Variants in SAMTOR observed in about 807,000 individuals in gnomAD.
SAMTOR encodes the protein UPF0532 protein C7orf60.
the SAMTOR span, among the ~76,000 whole-genome samples, chr7:112,824,048 G>C: frequency 7.6e-6 from 1 of 131,810 alleles, no homozygotes; most frequent in Admixed American, 7.2e-5. Context: ...TTTCTTTCTG[G>C]GTTTTGAGAG....
At chr7:112,939,810 G>A in the SAMTOR span, 2 of 1,366,410 alleles carry the variant, frequency 1.5e-6, no homozygotes, top group Non-Finnish European at 1.0e-6. Flanking sequence ...CCCAGATGGA[G>A]GAGGTGGGGT....
chr7:112,865,523 G>A, the SAMTOR span, among the ~76,000 whole-genome samples: 2 of 151,476 alleles, frequency 1.3e-5, no homozygotes, highest in Admixed American at 6.6e-5. Context: ...TGATCCGCCC[G>A]CCTAGGCCTC....
chr7:112,836,257 C>T, the SAMTOR span, among the ~76,000 whole-genome samples: 1 of 152,092 alleles, frequency 6.6e-6, no homozygotes, highest in South Asian at 2.1e-4. Flanking sequence ...AGCATTTTTT[C>T]ATATGCTTGT....
the SAMTOR span, among the ~76,000 whole-genome samples, chr7:112,901,260 G>A: frequency 6.6e-5 from 10 of 152,156 alleles, no homozygotes; most frequent in South Asian, 4.1e-4. Flanking sequence ...GTTCCCCATT[G>A]CTCGCATTAC....
the SAMTOR span, chr7:112,832,675 C>T: frequency 6.5e-7 from 1 of 1,527,916 alleles, no homozygotes; most frequent in Admixed American, 1.8e-5. Flanking sequence ...CTTGTAGCAA[C>T]CTAAAAACAG....
the SAMTOR span, among the ~76,000 whole-genome samples, chr7:112,919,182 G>A: frequency 1.3e-5 from 2 of 152,080 alleles, no homozygotes; most frequent in Admixed American, 1.3e-4. Context: ...TTCCAAAATT[G>A]ACCACATACT....
At chr7:112,909,612 C>T in the SAMTOR span, among the ~76,000 whole-genome samples, 1 of 151,974 alleles carries the variant, frequency 6.6e-6, no homozygotes, top group African/African-American at 2.4e-5. Context: ...AGAAATCTTA[C>T]ATTTCAGTTA....
At chr7:112,868,196 G>C in the SAMTOR span, among the ~76,000 whole-genome samples, 1 of 152,274 alleles carries the variant, frequency 6.6e-6, no homozygotes, top group East Asian at 1.9e-4. Context: ...CTACTATTAA[G>C]CAACCAAGAG....
At chr7:112,910,166 A>G in the SAMTOR span, among the ~76,000 whole-genome samples, 1 of 151,990 alleles carries the variant, frequency 6.6e-6, no homozygotes, top group African/African-American at 2.4e-5. Flanking sequence ...CCCCCCAAAA[A>G]AAGACTAATA....
At chr7:112,856,250 T>C in the SAMTOR span, among the ~76,000 whole-genome samples, 1 of 151,598 alleles carries the variant, frequency 6.6e-6, no homozygotes, top group African/African-American at 2.4e-5. Flanking sequence ...TTTACTTTTT[T>C]TTTCTTTTTT....
At chr7:112,910,897 A>T in the SAMTOR span, among the ~76,000 whole-genome samples, 1 of 152,200 alleles carries the variant, frequency 6.6e-6, no homozygotes, top group African/African-American at 2.4e-5. Flanking sequence ...ATACAATTTA[A>T]AAAACAACGT....
At chr7:112,916,874 G>T in the SAMTOR span, among the ~76,000 whole-genome samples, 2 of 152,206 alleles carry the variant, frequency 1.3e-5, no homozygotes, top group African/African-American at 2.4e-5. Context: ...ACTGCAAGGC[G>T]GCAGCGAGAC....
chr7:112,917,672 C>A, the SAMTOR span, among the ~76,000 whole-genome samples: 1 of 152,038 alleles, frequency 6.6e-6, no homozygotes, highest in East Asian at 1.9e-4. Flanking sequence ...AAAATTCAAA[C>A]CAAAGGCAAA....
the SAMTOR span, among the ~76,000 whole-genome samples, chr7:112,829,358 T>A: frequency 1.7e-4 from 26 of 152,220 alleles, no homozygotes; most frequent in Non-Finnish European, 3.2e-4. Flanking sequence ...TATACAGTTT[T>A]GATTTTTTTA....
At chr7:112,907,843 TTATTTA>T in the SAMTOR span, among the ~76,000 whole-genome samples, 1 of 4,360 alleles carries the variant, frequency 2.3e-4, no homozygotes, top group South Asian at 5.7e-3. Context: ...TCTTACTTAC[TTATTTA>T]TTTATTTATT....
chr7:112,821,960 G>A, the SAMTOR span: 2 of 1,612,812 alleles, frequency 1.2e-6, no homozygotes, highest in East Asian at 2.2e-5. Context: ...ACATTCCTGG[G>A]TAGTTCCTAC....
At chr7:112,838,825 A>G in the SAMTOR span, among the ~76,000 whole-genome samples, 109 of 151,906 alleles carry the variant, frequency 7.2e-4, 2 homozygotes, top group South Asian at 0.021. Context: ...TCTTGAAATT[A>G]TTTTGTGTGT....
chr7:112,841,536 A>G, the SAMTOR span, among the ~76,000 whole-genome samples: 1 of 152,250 alleles, frequency 6.6e-6, no homozygotes, highest in South Asian at 2.1e-4. Context: ...ATCCCCATCA[A>G]GCTACTATTG....
the SAMTOR span, among the ~76,000 whole-genome samples, chr7:112,930,950 T>C: frequency 6.6e-6 from 1 of 152,230 alleles, no homozygotes; most frequent in Non-Finnish European, 1.5e-5. Context: ...TTCATGGATA[T>C]GAGCAAAGCT....
Sources: allele counts gnomAD v4.1 joint callset (sites outside exome capture counted in the v4.1 genomes callset), GRCh38; gene constraint gnomAD v4.1.1; transcripts MANE v1.5; gene names NCBI Gene and HGNC (gene_info 2026-07-23, HGNC 2026-07-21).